The following IVNS1ABP variants were observed in gnomAD, a reference collection of about 807,000 sequenced individuals.
The protein encoded by IVNS1ABP is influenza virus NS1A-binding protein.
Under a neutral mutation model 78.9 loss-of-function variants are expected in IVNS1ABP, and 25 were observed. The observed-to-expected ratio is 0.32, with a 90% CI of 0.23 to 0.44. The LOEUF is 0.44. Among genes scored for constraint, IVNS1ABP ranks in the 20% least tolerant of loss-of-function variants. The probability of loss-of-function intolerance (pLI) is 1.00; values close to 1 mark genes in which losing one functional copy is unlikely to be tolerated. For synonymous variants in IVNS1ABP, 241 were observed against 259.7 expected (o/e 0.93, Z 0.69); for missense variants, 494 against 768.9 (o/e 0.64, Z 4.23).
Position 185,316,979 on chromosome 1 carries a change from C to T in IVNS1ABP, c.-273G>A, listed in dbSNP as rs1666051366. The stretch of plus-strand genomic sequence containing the variant: ...TGGTTCATCTCTGAAGAGATGGAAA[C>T]ATTCATTTCTAGAGCTTCGATGGGA... On this transcript the variant is annotated 5_prime_UTR_variant, in exon 1 of 15. An upstream start codon of the reference 5' UTR is lost. Coordinates refer to ENST00000367498, the MANE Select transcript of IVNS1ABP (RefSeq NM_006469.5). 5.0e-6 allele frequency: 2 copies of T among 398,450 alleles called. No homozygotes were observed. The highest frequency in any genetic ancestry group is 4.4e-6 in the Non-Finnish European group (1 of 226,066). The allele number at this position is 398,450 out of a possible 1,614,324, so 24.7% of individuals were successfully genotyped here. A position where few individuals can be genotyped will look rare whatever the true frequency, so the allele number is the denominator to read the frequency against.
intron 1 of IVNS1ABP, among the ~76,000 whole-genome samples, chr1:185,315,452 G>A (rs190554821): frequency 5.3e-5 from 8 of 152,316 alleles, no homozygotes; most frequent in Admixed American, 1.3e-4. Flanking sequence ...TAGTTAACCA[G>A]AGATATCATC....
At chr1:185,314,978 T>C (rs994153595) in intron 1 of IVNS1ABP, among the ~76,000 whole-genome samples, 2 of 152,232 alleles carry the variant, frequency 1.3e-5, no homozygotes, top group African/African-American at 4.8e-5. Context: ...ATTTACAAGA[T>C]ATACAACTTG....
At chr1:185,308,390 G>A (rs1665794952) in intron 5 of IVNS1ABP, among the ~76,000 whole-genome samples, 1 of 152,108 alleles carries the variant, frequency 6.6e-6, no homozygotes, top group African/African-American at 2.4e-5. Context: ...ATGCATTAGG[G>A]GATTAAATGC....
At chr1:185,299,579 A>G in intron 14 of IVNS1ABP, 131 bp downstream of exon 14, 2 of 814,260 alleles carry the variant, frequency 2.5e-6, no homozygotes, top group Non-Finnish European at 2.1e-6. Flanking sequence ...CCTAATCTCC[A>G]TTGCATCAAA....
rs1665809027 is a variant in IVNS1ABP at position 185,308,793 on chromosome 1, A to G, written c.357+7T>C. 2 of 1,592,840 alleles carry G rather than the reference A, an allele frequency of 1.3e-6. No individual in the cohort carries two copies. Among genetic ancestry groups the G allele is most frequent in the Non-Finnish European group, 8.6e-7 (1 of 1,169,128 alleles). On this transcript the variant is annotated splice_region_variant and intron_variant, in intron 5 of 14. Coordinates refer to ENST00000367498, the MANE Select transcript of IVNS1ABP (RefSeq NM_006469.5). Reference sequence around the variant, plus strand: ...ATAAATGATTTTATTTACTTCTGATACTCTACCTGCTTTACTCGATCCATC... The same window carrying G: ...ATAAATGATTTTATTTACTTCTGATGCTCTACCTGCTTTACTCGATCCATC...
chr1:185,300,400 C>T lies in IVNS1ABP; in HGVS notation c.1242+37G>A, dbSNP rs138170199. 14,225 of 1,613,406 alleles carry T rather than the reference C, an allele frequency of 8.8e-3. 142 individuals are homozygous for T. The highest frequency in any genetic ancestry group is 0.045 in the Middle Eastern group (270 of 6,050). ...ACATCCTGAAGTTACGAGGAAAAAG[C>T]TAAATAGGGGTTGCTCCTGCAACAT... is the stretch of plus-strand genomic sequence containing the variant. On this transcript the variant is annotated intron_variant, in intron 11 of 14. Coordinates refer to ENST00000367498, the MANE Select transcript of IVNS1ABP (RefSeq NM_006469.5).
rs180975208 is a variant in IVNS1ABP, at chr1:185,309,906, G to C, written c.-18-395C>G. On this transcript the variant is annotated intron_variant, in intron 2 of 14. Coordinates refer to ENST00000367498, the MANE Select transcript of IVNS1ABP (RefSeq NM_006469.5). Reference sequence around the variant, plus strand: ...GTACATATAGGTTTCCTTGGATTTGGGCTCCTGTCATTCCTTTACCCACAA... The same window carrying C: ...GTACATATAGGTTTCCTTGGATTTGCGCTCCTGTCATTCCTTTACCCACAA... 2.6e-5 allele frequency among the ~76,000 whole-genome samples: 4 copies of C among 152,206 alleles called. No homozygotes were observed. The East Asian group carries it at 5.8e-4, about 22-fold the overall frequency.
At chr1:185,300,914 T>G in intron 10 of IVNS1ABP, 58 bp downstream of exon 10, 2 of 1,334,774 alleles carry the variant, frequency 1.5e-6, no homozygotes, top group Non-Finnish European at 2.1e-6. Context: ...TTTGAAAGTT[T>G]GCATGTCACA....
Position 185,305,958 on chromosome 1 carries a change from A to G in IVNS1ABP, c.658-315T>C, listed in dbSNP as rs762835953. On this transcript the variant is annotated intron_variant, in intron 7 of 14. Transcript: ENST00000367498. This position sits in a 1 kb window ranked among gnomAD's most constrained non-coding sequence, Gnocchi z 4.0. ...TAACAGTAAGAAAAAAAGCACTAGT[A>G]CAATATATACTCTTAAAGAATATAC... 3 of 270,948 alleles carry G rather than the reference A, an allele frequency of 1.1e-5. No individual in the cohort carries two copies. Among genetic ancestry groups the G allele is most frequent in the Non-Finnish European group, 2.2e-5 (3 of 138,794 alleles). 16.8% of individuals were successfully genotyped at this position (270,948 alleles called of 1,614,324 possible).
In IVNS1ABP at chr1:185,298,017, G is replaced by C. The variant is rs764190612; in HGVS notation, c.*18C>G. ...ATTACATCACTAAGCCTGTTAGTTT[G>C]AGAGGGTCTTAAATTTGTTAAAACT... On this transcript the variant is annotated 3_prime_UTR_variant, in exon 15 of 15. Transcript: ENST00000367498. The surrounding 1 kb of genome is among the most constrained non-coding windows in gnomAD (Gnocchi z 4.1). 6.2e-7 allele frequency: 1 copy of C among 1,610,260 alleles called. No individual in the cohort carries two copies. Among genetic ancestry groups the C allele is most frequent in the Non-Finnish European group, 8.5e-7 (1 of 1,177,684 alleles).
At chr1:185,301,997 T>A (rs113756096) in intron 8 of IVNS1ABP, among the ~76,000 whole-genome samples, 1,715 of 152,230 alleles carry the variant, frequency 0.011, 14 homozygotes, top group Non-Finnish European at 0.017. Flanking sequence ...TGTACAGGTA[T>A]CCTTCATACA....
chr1:185,301,398 A>G, intron 9 of IVNS1ABP, 36 bp downstream of exon 9: 2 of 1,608,218 alleles, frequency 1.2e-6, no homozygotes, highest in Middle Eastern at 1.7e-4. Flanking sequence ...AAAAATAGGT[A>G]AGCTGAAAAC....
Position 185,307,037 on chromosome 1 carries a change from T to A in IVNS1ABP, c.634A>T (p.Ser212Cys). Residue 212 changes from serine to cysteine, a missense_variant, in exon 7 of 15, where the codon AGT becomes TGT. Transcript: ENST00000367498. ...ACCTCTTCCATCAGCTCTTCCAGAC[T>A]GTCTCCATTCTCCCAGATGCTACGC... is the stretch of plus-strand genomic sequence containing the variant. ...VQRSIWENGDSLEELMEEVQT... is the reference protein window; with the variant it reads ...VQRSIWENGDCLEELMEEVQT... The A allele has an allele frequency of 6.2e-7, 1 of 1,613,538 alleles. No individual in the cohort carries two copies. Among genetic ancestry groups the A allele is most frequent in the Non-Finnish European group, 8.5e-7 (1 of 1,179,520 alleles).
chr1:185,300,828 G>A lies in IVNS1ABP; in HGVS notation c.1120+144C>T, dbSNP rs1203581724. ...ATTAGATACAGACATTGAACTGAAG[G>A]TTAGCCATATTCAATAGTATTGTTA... is the stretch of plus-strand genomic sequence containing the variant. On this transcript the variant is annotated intron_variant, in intron 10 of 14. Coordinates refer to ENST00000367498, the MANE Select transcript of IVNS1ABP (RefSeq NM_006469.5). The A allele has an allele frequency of 7.1e-6, 5 of 699,894 alleles. No individual in the cohort carries two copies. The African/African-American group carries it at 7.2e-5, about 10-fold the overall frequency. 43.4% of individuals were successfully genotyped at this position (699,894 alleles called of 1,614,324 possible).
chr1:185,307,799 G>T (rs1337990646), intron 5 of IVNS1ABP, 137 bp from the exon 6 acceptor site: 1 of 1,175,232 alleles, frequency 8.5e-7, no homozygotes, highest in Non-Finnish European at 1.2e-6. Flanking sequence ...TGTTAATAGT[G>T]GTAATAACAC....
Position 185,301,089 on chromosome 1 carries a change from T to A in IVNS1ABP, c.1003A>T (p.Lys335Ter). 1 of 1,613,526 alleles carries A rather than the reference T, an allele frequency of 6.2e-7. No individual in the cohort carries two copies. Among genetic ancestry groups the A allele is most frequent in the Non-Finnish European group, 8.5e-7 (1 of 1,179,686 alleles). Residue 335 changes from lysine (K) to a stop codon, truncating the protein, a stop_gained, in exon 10 of 15, where the codon AAG (lysine) becomes TAG (stop). Transcript: ENST00000367498. LOFTEE classifies it high-confidence loss of function. Reference sequence around the variant, plus strand: ...TGTTGCATCTCAAAGCTTAAACTCTTACTTAGTTTTGGAGTACTTGTTGGT... The same window carrying A: ...TGTTGCATCTCAAAGCTTAAACTCTAACTTAGTTTTGGAGTACTTGTTGGT... ...SSPTSTPKLS[K>*]SLSFEMQQDE... is the part of the protein sequence containing the mutation.
In IVNS1ABP at chr1:185,308,855, A is replaced by C. The variant is rs1344535039; in HGVS notation, c.302T>G (p.Leu101Trp). 1.2e-6 allele frequency: 2 copies of C among 1,610,792 alleles called. No homozygotes were observed. The highest frequency in any genetic ancestry group is 2.7e-5 in the African/African-American group (2 of 75,008). The change falls in exon 5 of 15, where the codon TTG becomes TGG. Residue 101 changes from leucine (L) to tryptophan (W), a missense_variant. By Grantham distance (61) the Leu-to-Trp change is moderately conservative (BLOSUM62 -2). Coordinates refer to ENST00000367498, the MANE Select transcript of IVNS1ABP (RefSeq NM_006469.5). The stretch of plus-strand genomic sequence containing the variant: ...TGCTGCAGAATAAACATCTTTTACC[A>C]ATTCCTTATCTGCTTTCAACCTATT... ...YTAQLKADKELVKDVYSAAKK... is the reference protein window; with the variant it reads ...YTAQLKADKEWVKDVYSAAKK...
chr1:185,315,055 A>T (rs568687947), intron 1 of IVNS1ABP, among the ~76,000 whole-genome samples: 1 of 152,320 alleles, frequency 6.6e-6, no homozygotes, highest in South Asian at 2.1e-4. Flanking sequence ...TACTCACAAT[A>T]CTTCAATCTA....
chr1:185,308,747 A>C, intron 5 of IVNS1ABP, 53 bp downstream of exon 5: 2 of 1,286,414 alleles, frequency 1.6e-6, no homozygotes, highest in Admixed American at 2.0e-5. Flanking sequence ...TCAGCATTGC[A>C]ATCACACAAA....
Sources: allele counts gnomAD v4.1 joint callset (sites outside exome capture counted in the v4.1 genomes callset), GRCh38; gene constraint gnomAD v4.1.1; non-coding constraint Gnocchi (gnomAD v3.1); transcripts MANE v1.5; gene names NCBI Gene and HGNC (gene_info 2026-07-23, HGNC 2026-07-21).